The following MCF2L2 variants were observed in gnomAD, a reference collection of about 807,000 sequenced individuals.
The protein encoded by MCF2L2 is MCF.2 cell line derived transforming sequence-like 2.
MCF2L2 carries 102 observed loss-of-function variants against 150.2 expected under a neutral mutation model. The observed-to-expected ratio is 0.68, with a 90% CI of 0.58 to 0.80. MCF2L2 has a LOEUF of 0.80. Among genes scored for constraint, MCF2L2 ranks in the 30% least tolerant of loss-of-function variants. The pLI is 0.00. For missense variants in MCF2L2, 1,256 were observed against 1,372.8 expected, an observed-to-expected ratio of 0.91 and a Z score of 1.34; for synonymous variants, 465 against 491.3, an observed-to-expected ratio of 0.95 and a Z score of 0.71.
At chr3:183,383,107 G>A (rs1388326165) in intron 2 of MCF2L2, among the ~76,000 whole-genome samples, 3 of 152,130 alleles carry the variant, frequency 2.0e-5, no homozygotes, top group East Asian at 1.9e-4. Context: ...CACATGCTAC[G>A]TGACTTCCAA....
At chr3:183,206,954 GAA>G (rs1491400412) in intron 23 of MCF2L2, among the ~76,000 whole-genome samples, 2,359 of 45,166 alleles carry the variant, frequency 0.052, 39 homozygotes, top group Middle Eastern at 0.077. Flanking sequence ...AGGAAGGAAG[GAA>G]GGAAGGAAGG....
intron 5 of MCF2L2, among the ~76,000 whole-genome samples, chr3:183,336,675 C>T (rs1490116001): frequency 3.3e-5 from 5 of 150,866 alleles, no homozygotes; most frequent in African/African-American, 4.9e-5. Context: ...TGGCTGGTCT[C>T]GAACCGCATC....
chr3:183,423,874 G>A (rs57078282), intron 1 of MCF2L2, among the ~76,000 whole-genome samples: 12,891 of 151,846 alleles, frequency 0.085, 572 homozygotes, highest in African/African-American at 0.095. Flanking sequence ...TGCCTGCCTC[G>A]GCCTCCCAAA....
At chr3:183,419,216 G>A (rs1715750961) in intron 1 of MCF2L2, among the ~76,000 whole-genome samples, 1 of 152,176 alleles carries the variant, frequency 6.6e-6, no homozygotes, top group Non-Finnish European at 1.5e-5. Context: ...TGGAACACAG[G>A]ACACCATGTC....
chr3:183,251,504 T>G (rs1441058694), intron 15 of MCF2L2, among the ~76,000 whole-genome samples: 1 of 152,198 alleles, frequency 6.6e-6, no homozygotes, highest in Non-Finnish European at 1.5e-5. Context: ...GAGTCTAACA[T>G]GCAGATTTTG....
intron 4 of MCF2L2, among the ~76,000 whole-genome samples, chr3:183,339,417 G>A (rs540505841): frequency 5.2e-4 from 79 of 151,916 alleles, no homozygotes; most frequent in African/African-American, 1.7e-3. Context: ...TATTTTTTAC[G>A]GGTGTACAAT....
At chr3:183,292,267 C>T in intron 13 of MCF2L2, among the ~76,000 whole-genome samples, 1 of 152,004 alleles carries the variant, frequency 6.6e-6, no homozygotes, top group East Asian at 1.9e-4. Context: ...GAATTTATTG[C>T]TAACAGGCCA....
At chr3:183,395,864 G>A (rs1233275704) in intron 1 of MCF2L2, among the ~76,000 whole-genome samples, 1 of 144,312 alleles carries the variant, frequency 6.9e-6, no homozygotes, top group Non-Finnish European at 1.5e-5. Flanking sequence ...GTTGCAGTGA[G>A]CTGTGATCAT....
intron 3 of MCF2L2, among the ~76,000 whole-genome samples, chr3:183,360,821 T>A (rs1712089413): frequency 6.6e-6 from 1 of 151,664 alleles, no homozygotes; most frequent in African/African-American, 2.4e-5. Flanking sequence ...AATAGAAAAT[T>A]AGCCGAGTGT....
At chr3:183,315,098 G>A (rs904337475) in intron 7 of MCF2L2, among the ~76,000 whole-genome samples, 1 of 147,826 alleles carries the variant, frequency 6.8e-6, no homozygotes, top group Non-Finnish European at 1.5e-5. Context: ...TACCATTCCC[G>A]GCTAATTTTT....
intron 15 of MCF2L2, among the ~76,000 whole-genome samples, chr3:183,261,366 A>T (rs1725566279): frequency 6.6e-6 from 1 of 152,252 alleles, no homozygotes; most frequent in Non-Finnish European, 1.5e-5. Flanking sequence ...AACAAAATGC[A>T]GCATAAAGAT....
At chr3:183,189,699 G>C (rs1721812188) in intron 27 of MCF2L2, among the ~76,000 whole-genome samples, 2 of 152,222 alleles carry the variant, frequency 1.3e-5, no homozygotes, top group African/African-American at 4.8e-5. Context: ...ACTTCCACTA[G>C]GGAACACAGC....
chr3:183,375,432 G>A (rs926997816), intron 3 of MCF2L2: 3 of 152,052 alleles, frequency 2.0e-5, no homozygotes, highest in African/African-American at 7.3e-5. Context: ...TCCTGTCGAA[G>A]TGACTTTCTG....
At chr3:183,278,245 TAA>T (rs1334282492) in intron 14 of MCF2L2, among the ~76,000 whole-genome samples, 1 of 149,700 alleles carries the variant, frequency 6.7e-6, no homozygotes, top group Non-Finnish European at 1.5e-5. Context: ...CAAATAAAAA[TAA>T]AAGATATCTC....
chr3:183,351,217 TA>T lies in MCF2L2; in HGVS notation c.276-9588del, dbSNP rs1560034927. On this transcript the variant is annotated intron_variant, in intron 3 of 29. Coordinates refer to ENST00000328913, the MANE Select transcript of MCF2L2 (RefSeq NM_015078.4). ...ATATATATATATATATATATATATA[TA>T]TATATATATATATATATATTTATTT... Among the ~76,000 whole-genome samples the T allele has an allele frequency of 3.7e-4, 34 of 91,934 alleles. 1 individual carries two copies. The highest frequency in any genetic ancestry group is 1.6e-3 in the Admixed American group (15 of 9,362). 60.3% of individuals were successfully genotyped at this position (91,934 alleles called of 152,430 possible).
intron 15 of MCF2L2, chr3:183,269,768 T>G (rs1451635305): frequency 6.4e-7 from 1 of 1,569,822 alleles, no homozygotes; most frequent in Admixed American, 1.8e-5. Flanking sequence ...TGTTTAAAAC[T>G]GATCCTAACT....
At chr3:183,361,077 GAAGAC>G (rs139125125) in intron 3 of MCF2L2, among the ~76,000 whole-genome samples, 15,544 of 100,406 alleles carry the variant, frequency 0.15, 1,445 homozygotes, top group Middle Eastern at 0.23. Flanking sequence ...AGACAGAAGA[GAAGAC>G]AAGACAAGAC....
intron 7 of MCF2L2, among the ~76,000 whole-genome samples, chr3:183,317,607 G>A (rs954792379): frequency 6.6e-6 from 1 of 152,114 alleles, no homozygotes; most frequent in Admixed American, 6.5e-5. Flanking sequence ...CAATAAGTCC[G>A]CTTATTAGTC....
At chr3:183,404,892 T>G in intron 1 of MCF2L2, among the ~76,000 whole-genome samples, 1 of 151,742 alleles carries the variant, frequency 6.6e-6, no homozygotes, top group East Asian at 1.9e-4. Flanking sequence ...AAATCTGAAA[T>G]GTGTGCAAAA....
Sources: allele counts gnomAD v4.1 joint callset (sites outside exome capture counted in the v4.1 genomes callset), GRCh38; gene constraint gnomAD v4.1.1; transcripts MANE v1.5; gene names NCBI Gene and HGNC (gene_info 2026-07-23, HGNC 2026-07-21).